Variants in GALNT18 observed in about 807,000 individuals in gnomAD.
The protein encoded by GALNT18 is polypeptide N-acetylgalactosaminyltransferase 18, also known as GalNAc-transferase 18.
GALNT18 carries 44 observed loss-of-function variants against 69.5 expected under a neutral mutation model. The ratio of observed to expected loss-of-function variants is 0.63; its 90% CI spans 0.50 to 0.81. The LOEUF (loss-of-function observed/expected upper bound fraction) is 0.81, where lower values mean the gene tolerates loss of function less well. GALNT18 is among the 40% of genes least tolerant of loss of function. GALNT18 has a pLI of 0.00. For missense variants in GALNT18, 715 were observed against 810.0 expected, an observed-to-expected ratio of 0.88 and a Z score of 1.42; for synonymous variants, 364 against 318.2, an observed-to-expected ratio of 1.14 and a Z score of -1.53.
chr11:11,425,970 G>A (rs1184159729), intron 3 of GALNT18, among the ~76,000 whole-genome samples: 2 of 152,236 alleles, frequency 1.3e-5, no homozygotes, highest in South Asian at 2.1e-4. Context: ...GGTCCATTGG[G>A]ATTTGCTGAA....
chr11:11,319,701 G>A (rs952680310), intron 9 of GALNT18, among the ~76,000 whole-genome samples: 2 of 152,230 alleles, frequency 1.3e-5, no homozygotes, highest in African/African-American at 4.8e-5. Context: ...TGATGACGGA[G>A]ATGTCAAAAT....
intron 1 of GALNT18, among the ~76,000 whole-genome samples, chr11:11,539,291 C>T (rs887199299): frequency 6.6e-6 from 1 of 152,192 alleles, no homozygotes; most frequent in African/African-American, 2.4e-5. Flanking sequence ...CTGCCTCCCC[C>T]ACAGTCTTCC....
chr11:11,621,723 T>A lies in GALNT18; in HGVS notation c.-130A>T. ...CCTCAGCACCTGAGTCCCGAGGTTCTCCAAAGCCCGGTCCGCTGCCGGTGT... is the reference window on the plus strand; with the variant it reads ...CCTCAGCACCTGAGTCCCGAGGTTCACCAAAGCCCGGTCCGCTGCCGGTGT... On this transcript the variant is annotated 5_prime_UTR_variant, in exon 1 of 11. Coordinates refer to ENST00000227756, the MANE Select transcript of GALNT18 (RefSeq NM_198516.3). This position sits in a 1 kb window ranked among gnomAD's most constrained non-coding sequence, Gnocchi z 9.3. 2 of 669,530 alleles carry A rather than the reference T, an allele frequency of 3.0e-6. No individual in the cohort carries two copies. The highest frequency in any genetic ancestry group is 1.9e-5 in the South Asian group (1 of 51,732). The allele number at this position is 669,530 out of a possible 1,614,324, so 41.5% of individuals were successfully genotyped here.
intron 3 of GALNT18, among the ~76,000 whole-genome samples, chr11:11,429,481 G>T (rs542673270): frequency 1.3e-5 from 2 of 152,150 alleles, no homozygotes; most frequent in Non-Finnish European, 2.9e-5. Context: ...GGCTCCCGCC[G>T]TGCAGTTTGC....
intron 9 of GALNT18, among the ~76,000 whole-genome samples, chr11:11,323,098 C>T (rs1353628928): frequency 6.6e-6 from 1 of 152,160 alleles, no homozygotes; most frequent in South Asian, 2.1e-4. Context: ...ACAATGCAGT[C>T]CATAACATTC....
intron 10 of GALNT18, among the ~76,000 whole-genome samples, chr11:11,282,483 C>T (rs890079812): frequency 6.6e-6 from 1 of 152,200 alleles, no homozygotes; most frequent in Non-Finnish European, 1.5e-5. Flanking sequence ...CCCAGAGAGG[C>T]TGGGAGACTT....
rs1291619855 is a variant in GALNT18 at position 11,618,056 on chromosome 11, A to G, written c.235+3303T>C. Among the ~76,000 whole-genome samples, 1 of 152,234 alleles carries G rather than the reference A, an allele frequency of 6.6e-6. No individual in the cohort carries two copies. The highest frequency in any genetic ancestry group is 1.5e-5 in the Non-Finnish European group (1 of 68,044). On this transcript the variant is annotated intron_variant, in intron 1 of 10. Transcript: ENST00000227756. The surrounding 1 kb of genome is among the most constrained non-coding windows in gnomAD (Gnocchi z 6.1). Reference sequence around the variant, plus strand: ...TCTAATTAAATCATTCAATCAGAAAACAAATTAAAATGAAATATCACTGCA... The same window carrying G: ...TCTAATTAAATCATTCAATCAGAAAGCAAATTAAAATGAAATATCACTGCA...
chr11:11,489,528 G>A (rs569747836), intron 1 of GALNT18, among the ~76,000 whole-genome samples: 5 of 152,272 alleles, frequency 3.3e-5, no homozygotes, highest in East Asian at 3.9e-4. Context: ...TTGGCAGGTC[G>A]CTCCCTAGAG....
chr11:11,430,250 T>G lies in GALNT18; in HGVS notation c.595+2371A>C, dbSNP rs187257751. On this transcript the variant is annotated intron_variant, in intron 3 of 10. Coordinates refer to ENST00000227756, the MANE Select transcript of GALNT18 (RefSeq NM_198516.3). The surrounding 1 kb of genome is among the most constrained non-coding windows in gnomAD (Gnocchi z 4.9). ...TTTTGTTTGTTTTAACTTAATATTT[T>G]GAAGTAATTATAGATTCACAAAAGT... 4.4e-4 allele frequency among the ~76,000 whole-genome samples: 67 copies of G among 152,346 alleles called. No individual in the cohort carries two copies. The highest frequency in any genetic ancestry group is 8.7e-4 in the Non-Finnish European group (59 of 68,036).
chr11:11,273,931 AAG>A (rs1349057429), intron 10 of GALNT18, among the ~76,000 whole-genome samples: 6 of 152,134 alleles, frequency 3.9e-5, no homozygotes, highest in African/African-American at 1.4e-4. Context: ...CTGCAGCTCT[AAG>A]AGAGATCCAT....
chr11:11,439,181 A>T lies in GALNT18; in HGVS notation c.429-6394T>A, dbSNP rs957451851. Among the ~76,000 whole-genome samples, 1 of 152,226 alleles carries T rather than the reference A, an allele frequency of 6.6e-6. No homozygotes were observed. Among genetic ancestry groups the T allele is most frequent in the African/African-American group, 2.4e-5 (1 of 41,458 alleles). Reference sequence around the variant, plus strand: ...ATAAGTGAGGCGCAGGGGAGCAGAAATGATGAATAGGAAGAAGGGCGTTGT... The same window carrying T: ...ATAAGTGAGGCGCAGGGGAGCAGAATTGATGAATAGGAAGAAGGGCGTTGT... On this transcript the variant is annotated intron_variant, in intron 2 of 10. Transcript: ENST00000227756. The surrounding 1 kb of genome is among the most constrained non-coding windows in gnomAD (Gnocchi z 4.4).
intron 5 of GALNT18, among the ~76,000 whole-genome samples, chr11:11,375,114 T>C (rs1853715208): frequency 2.0e-5 from 3 of 152,180 alleles, no homozygotes; most frequent in African/African-American, 4.8e-5. Flanking sequence ...CCAGAAGATA[T>C]TGCTGGGCTC....
At position 11,523,924 on chromosome 11, in the gene GALNT18, T is replaced by G. The variant is rs1390019333; in HGVS notation, c.236-74988A>C. 6.6e-6 allele frequency among the ~76,000 whole-genome samples: 1 copy of G among 152,144 alleles called. No homozygotes were observed. Among genetic ancestry groups the G allele is most frequent in the Non-Finnish European group, 1.5e-5 (1 of 68,020 alleles). On this transcript the variant is annotated intron_variant, in intron 1 of 10. Transcript: ENST00000227756. This position sits in a 1 kb window ranked among gnomAD's most constrained non-coding sequence, Gnocchi z 4.3. ...ATCACCCCAAATCTTATTACTTCAG[T>G]AGAGGACCCTCTGGGCACTGCCAAT...
Position 11,396,750 on chromosome 11 carries a change from T to C in GALNT18, c.596-17486A>G, listed in dbSNP as rs1854340601. On this transcript the variant is annotated intron_variant, in intron 3 of 10. Coordinates refer to ENST00000227756, the MANE Select transcript of GALNT18 (RefSeq NM_198516.3). The surrounding 1 kb of genome is among the most constrained non-coding windows in gnomAD (Gnocchi z 5.2). Reference sequence around the variant, plus strand: ...AGAGCTCTGGATCTCTAATCTGCAGTTGATGCTCTGACCAGATGGAGGGAG... The same window carrying C: ...AGAGCTCTGGATCTCTAATCTGCAGCTGATGCTCTGACCAGATGGAGGGAG... 6.6e-6 allele frequency among the ~76,000 whole-genome samples: 1 copy of C among 152,094 alleles called. No homozygotes were observed. The highest frequency in any genetic ancestry group is 2.1e-4 in the South Asian group (1 of 4,822).
intron 10 of GALNT18, among the ~76,000 whole-genome samples, chr11:11,274,620 A>G (rs1175139290): frequency 6.6e-6 from 1 of 152,180 alleles, no homozygotes; most frequent in Non-Finnish European, 1.5e-5. Flanking sequence ...TTACATAGGT[A>G]TATGCATGCC....
intron 1 of GALNT18, among the ~76,000 whole-genome samples, chr11:11,558,143 G>A (rs1051350013): frequency 3.9e-5 from 6 of 152,182 alleles, no homozygotes; most frequent in South Asian, 4.2e-4. Flanking sequence ...AAATACCATC[G>A]CCCCTGGATT....
In GALNT18 at chr11:11,294,880, C is replaced by A. The variant is rs140351831; in HGVS notation, c.1513-1687G>T. On this transcript the variant is annotated intron_variant, in intron 9 of 10. Coordinates refer to ENST00000227756, the MANE Select transcript of GALNT18 (RefSeq NM_198516.3). ...TACCCTCATCACTAGTGCTCCCCTGCCCCAGTGATTACGCCTCAGAAACAA... is the reference window on the plus strand; with the variant it reads ...TACCCTCATCACTAGTGCTCCCCTGACCCAGTGATTACGCCTCAGAAACAA... Among the ~76,000 whole-genome samples the A allele has an allele frequency of 1.3e-3, 196 of 152,304 alleles. 1 individual carries two copies. Among genetic ancestry groups the A allele is most frequent in the Non-Finnish European group, 2.0e-3 (139 of 68,018 alleles).
chr11:11,392,337 G>C (rs528754538), intron 3 of GALNT18, among the ~76,000 whole-genome samples: 70 of 152,294 alleles, frequency 4.6e-4, no homozygotes, highest in African/African-American at 1.6e-3. Flanking sequence ...AACTACCTTG[G>C]AGTTAAAAAG....
chr11:11,332,576 A>G lies in GALNT18; in HGVS notation c.1416+118T>C, dbSNP rs1850034920. The G allele has an allele frequency of 8.4e-7, 1 of 1,185,942 alleles. No individual in the cohort carries two copies. Among genetic ancestry groups the G allele is most frequent in the East Asian group, 2.5e-5 (1 of 40,296 alleles). The allele number at this position is 1,185,942 out of a possible 1,614,324, so 73.5% of individuals were successfully genotyped here. On this transcript the variant is annotated intron_variant, in intron 8 of 10. Coordinates refer to ENST00000227756, the MANE Select transcript of GALNT18 (RefSeq NM_198516.3). The surrounding 1 kb of genome is among the most constrained non-coding windows in gnomAD (Gnocchi z 4.3). ...GTGCAGAACCCAGCGCCCGGTCCCC[A>G]GGCCTACTGCAGTTCTTCATGTGAG...
Sources: allele counts gnomAD v4.1 joint callset (sites outside exome capture counted in the v4.1 genomes callset), GRCh38; gene constraint gnomAD v4.1.1; non-coding constraint Gnocchi (gnomAD v3.1); transcripts MANE v1.5; gene names NCBI Gene and HGNC (gene_info 2026-07-23, HGNC 2026-07-21).